The following ARHGEF4 variants were observed in gnomAD, a reference collection of about 807,000 sequenced individuals.
ARHGEF4 encodes the protein APC-stimulated guanine nucleotide exchange factor 1.
In ARHGEF4, 119 loss-of-function variants were observed where a neutral mutation model predicts 162.0. The ratio of observed to expected loss-of-function variants is 0.73; its 90% confidence interval spans 0.63 to 0.86. The LOEUF (loss-of-function observed/expected upper bound fraction) is 0.86. Among genes scored for constraint, ARHGEF4 ranks in the 40% least tolerant of loss-of-function variants. The probability of loss-of-function intolerance (pLI) is 0.00; values close to 1 mark genes in which losing one functional copy is unlikely to be tolerated. For synonymous variants in ARHGEF4, 1,014 were observed against 979.9 expected (o/e 1.03, Z -0.65); for missense variants, 2,488 against 2,456.0 (o/e 1.01, Z -0.28).
intron 1 of ARHGEF4, among the ~76,000 whole-genome samples, chr2:130,876,453 G>A (rs1023045548): frequency 2.6e-5 from 4 of 152,070 alleles, no homozygotes; most frequent in Admixed American, 1.3e-4. Flanking sequence ...GTGCAGTGGC[G>A]CGATCTCGGC....
intron 2 of ARHGEF4, among the ~76,000 whole-genome samples, chr2:130,920,073 T>TG (rs1285872079): frequency 3.3e-5 from 5 of 152,030 alleles, no homozygotes; most frequent in East Asian, 1.9e-4. Flanking sequence ...CTTGGTTTGT[T>TG]GGGGTTTTTT....
In ARHGEF4 at chr2:131,044,311, C is replaced by T. The variant is rs1233481709; in HGVS notation, c.5170C>T (p.Arg1724Cys). 1.1e-5 allele frequency: 18 copies of T among 1,610,270 alleles called. No homozygotes were observed. The highest frequency in any genetic ancestry group is 8.4e-5 in the Admixed American group (5 of 59,724). The change falls in exon 12 of 14, where the codon CGC (arginine) becomes TGC (cysteine). Residue 1724 changes from arginine to cysteine, a missense_variant. Around this residue, in one of 6 missense-constraint regions of ARHGEF4, gnomAD observed 415 missense variants for 512.4 expected, o/e 0.81. Coordinates refer to ENST00000409359, the MANE Select transcript of ARHGEF4 (RefSeq NM_001367493.1). ...LIYCKKDLLRRDVLYYKGRLD... is the reference protein window; with the variant it reads ...LIYCKKDLLRCDVLYYKGRLD... Reference sequence around the variant, plus strand: ...CAGCATCTGGCAGGACCTGCTCCGCCGCGACGTGTTGTACTACAAGGGCCG... The same window carrying T: ...CAGCATCTGGCAGGACCTGCTCCGCTGCGACGTGTTGTACTACAAGGGCCG...
At chr2:130,919,801 G>A (rs1294722540) in intron 2 of ARHGEF4, among the ~76,000 whole-genome samples, 6 of 152,040 alleles carry the variant, frequency 3.9e-5, no homozygotes, top group African/African-American at 1.4e-4. Context: ...ACTTGAATCC[G>A]GGAGGCAAAG....
chr2:130,852,641 C>T (rs938136213), intron 1 of ARHGEF4, among the ~76,000 whole-genome samples: 2 of 152,164 alleles, frequency 1.3e-5, no homozygotes, highest in Admixed American at 6.5e-5. Context: ...CGAGCGAGCA[C>T]GATGTGCAGA....
chr2:131,001,318 A>C (rs1361273039), intron 4 of ARHGEF4, among the ~76,000 whole-genome samples: 2 of 151,418 alleles, frequency 1.3e-5, no homozygotes, highest in Non-Finnish European at 3.0e-5. Flanking sequence ...AAAAAAAAAA[A>C]AAAAAAAAAA....
chr2:130,854,609 G>C (rs1441461367), intron 1 of ARHGEF4, among the ~76,000 whole-genome samples: 2 of 152,190 alleles, frequency 1.3e-5, no homozygotes, highest in African/African-American at 4.8e-5. Context: ...GTGGAGGCCT[G>C]CTCCAAGCAC....
At position 130,876,516 on chromosome 2, in the gene ARHGEF4, T is replaced by C. The variant is rs934517346; in HGVS notation, c.40-37470T>C. ...ACGCCATTCTCCTGCCTCAGCCTCC[T>C]GAGTAGCTGGGACTACAGGGGCCCG... is the stretch of plus-strand genomic sequence containing the variant. On this transcript the variant is annotated intron_variant, in intron 1 of 13. Transcript: ENST00000409359. Among the ~76,000 whole-genome samples the C allele has an allele frequency of 2.6e-5, 4 of 152,108 alleles. No individual in the cohort carries two copies. The East Asian group carries it at 7.7e-4, about 29-fold the overall frequency.
intron 2 of ARHGEF4, among the ~76,000 whole-genome samples, 172 bp downstream of exon 2, chr2:130,917,670 C>A (rs543670632): frequency 6.6e-6 from 1 of 152,126 alleles, no homozygotes; most frequent in Non-Finnish European, 1.5e-5. Flanking sequence ...GGGTGACCAA[C>A]TTCTTGAACG....
intron 3 of ARHGEF4, among the ~76,000 whole-genome samples, chr2:130,935,458 G>A (rs1429398786): frequency 6.6e-6 from 1 of 152,168 alleles, no homozygotes; most frequent in Non-Finnish European, 1.5e-5. Context: ...GACTAAAAAT[G>A]TAAAATTGGA....
chr2:131,006,897 G>A (rs186114539), intron 4 of ARHGEF4, among the ~76,000 whole-genome samples: 3 of 152,312 alleles, frequency 2.0e-5, no homozygotes, highest in Admixed American at 2.0e-4. Flanking sequence ...AGGCCAGGTG[G>A]TCCTGCTGAA....
chr2:131,045,275 T>C, intron 12 of ARHGEF4, 94 bp from the exon 13 acceptor site: 1 of 1,205,226 alleles, frequency 8.3e-7, no homozygotes, highest in South Asian at 1.4e-5. Context: ...CAGTACATGA[T>C]GAGACCCTGG....
chr2:130,995,025 T>C (rs1040121399), intron 4 of ARHGEF4, among the ~76,000 whole-genome samples: 1 of 152,268 alleles, frequency 6.6e-6, no homozygotes, highest in Non-Finnish European at 1.5e-5. Context: ...TTTGAAATTT[T>C]ACTCAGCTTA....
intron 4 of ARHGEF4, among the ~76,000 whole-genome samples, chr2:130,976,760 A>G (rs992797786): frequency 6.6e-6 from 1 of 152,210 alleles, no homozygotes; most frequent in African/African-American, 2.4e-5. Context: ...CCCGCAGAAG[A>G]GGGCCCATCA....
At chr2:130,852,248 C>G (rs1466660160) in intron 1 of ARHGEF4, among the ~76,000 whole-genome samples, 1 of 152,192 alleles carries the variant, frequency 6.6e-6, no homozygotes, top group Admixed American at 6.5e-5. Context: ...ACAGCGTCAC[C>G]TGTGCAGTGG....
At chr2:130,964,104 T>TA in intron 4 of ARHGEF4, 1 of 923,526 alleles carries the variant, frequency 1.1e-6, no homozygotes, top group Non-Finnish European at 1.3e-6. Flanking sequence ...ATCTCGGCAC[T>TA]AGCAGCAGCA....
chr2:130,880,861 C>CA (rs2104958904), intron 1 of ARHGEF4, among the ~76,000 whole-genome samples: 1 of 150,886 alleles, frequency 6.6e-6, no homozygotes, highest in South Asian at 2.1e-4. Flanking sequence ...TAATGGAAGG[C>CA]AACACAGCAC....
chr2:131,038,124 C>T (rs1690440910), intron 5 of ARHGEF4, among the ~76,000 whole-genome samples: 1 of 152,166 alleles, frequency 6.6e-6, no homozygotes, highest in Non-Finnish European at 1.5e-5. Flanking sequence ...ACTCCAATGG[C>T]AGGGCACTGT....
chr2:130,932,353 T>C (rs915039253), intron 3 of ARHGEF4, among the ~76,000 whole-genome samples: 4 of 152,176 alleles, frequency 2.6e-5, no homozygotes, highest in African/African-American at 9.6e-5. Context: ...GGATTACAGG[T>C]GCCTGCCACC....
In ARHGEF4 at chr2:130,916,805, G is replaced by C; in HGVS notation, c.2859G>C (p.Arg953=). 2.6e-6 allele frequency: 4 copies of C among 1,550,418 alleles called. No homozygotes were observed. Among genetic ancestry groups the C allele is most frequent in the Non-Finnish European group, 3.5e-6 (4 of 1,146,984 alleles). ...GCAGGCTGCGCCAGGGTTCCTGGCG[G>C]GCGTTTCTGAAAAGCAAAGATGCCG... ...EKSRLRQGSW[R]AFLKSKDAGS... The change falls in exon 2 of 14, where the codon CGG becomes CGC. Residue 953 remains arginine, a synonymous_variant. Transcript: ENST00000409359.
Sources: gnomAD v4.1 joint callset for allele counts (sites outside exome capture counted in the v4.1 genomes callset) on GRCh38, gnomAD v4.1.1 for gene constraint, gnomAD v4.1.1 regional missense constraint, MANE v1.5 for transcripts, NCBI Gene and HGNC (gene_info 2026-07-23, HGNC 2026-07-21) for gene names.